The following DBP variants were observed in gnomAD, a reference collection of about 807,000 sequenced individuals.
DBP encodes D site-binding protein.
A neutral mutation model predicts 21.4 loss-of-function variants in DBP; 12 were observed. The observed-to-expected ratio is 0.56, with a 90% CI of 0.36 to 0.91. DBP has a LOEUF of 0.91. Ranked by LOEUF, DBP falls within the 40% of genes least tolerant of loss-of-function variation. The pLI is 0.01. For synonymous variants in DBP, 213 were observed against 224.9 expected (o/e 0.95, Z 0.47); for missense variants, 423 against 473.4 (o/e 0.89, Z 0.99).
Position 48,630,128 on chromosome 19 carries a change from C to A in DBP, c.*709G>T. 1 of 1,257,388 alleles carries A rather than the reference C, an allele frequency of 8.0e-7. No individual in the cohort carries two copies. Among genetic ancestry groups the A allele is most frequent in the Non-Finnish European group, 1.0e-6 (1 of 999,562 alleles). 77.9% of individuals were successfully genotyped at this position (1,257,388 alleles called of 1,614,324 possible). A position where few individuals can be genotyped will look rare whatever the true frequency, so the allele number is the denominator to read the frequency against. Reference sequence around the variant, plus strand: ...TTTTACGCGTCGCCCAATGACAGGACCTGGAATGTACTGGCTGGGGTAGGC... The same window carrying A: ...TTTTACGCGTCGCCCAATGACAGGAACTGGAATGTACTGGCTGGGGTAGGC... On this transcript the variant is annotated 3_prime_UTR_variant, in exon 4 of 4. Coordinates refer to ENST00000222122, the MANE Select transcript of DBP (RefSeq NM_001352.5). The surrounding 1 kb of genome is among the most constrained non-coding windows in gnomAD (Gnocchi z 4.9).
intron 2 of DBP, 119 bp from the exon 3 acceptor site, chr19:48,633,774 C>T (rs774970032): frequency 3.5e-6 from 3 of 859,976 alleles, no homozygotes; most frequent in East Asian, 2.5e-5. Flanking sequence ...AGCATAAATT[C>T]GGCCAGGGAT....
chr19:48,633,658 T>A lies in DBP; in HGVS notation c.551-3A>T. The A allele has an allele frequency of 6.2e-7, 1 of 1,613,412 alleles. No individual in the cohort carries two copies. The highest frequency in any genetic ancestry group is 2.2e-5 in the East Asian group (1 of 44,886). On this transcript the variant is annotated splice_polypyrimidine_tract_variant and splice_region_variant and intron_variant, in intron 2 of 3. Transcript: ENST00000222122. Reference sequence around the variant, plus strand: ...GGGTGTGTCCCGAGAGGTCAGGCCTTGGGGAAACAGCACGTGTCAGCTGAG... The same window carrying A: ...GGGTGTGTCCCGAGAGGTCAGGCCTAGGGGAAACAGCACGTGTCAGCTGAG...
intron 2 of DBP, chr19:48,635,153 C>T (rs1208892135): frequency 9.9e-7 from 1 of 1,014,768 alleles, no homozygotes; most frequent in Non-Finnish European, 1.2e-6. Flanking sequence ...CTGTGCCTCT[C>T]CTTTGCCTTT....
Position 48,635,685 on chromosome 19 carries a change from C to G in DBP, c.445G>C (p.Ala149Pro), listed in dbSNP as rs2030762163. 7.6e-7 allele frequency: 1 copy of G among 1,319,962 alleles called. No individual in the cohort carries two copies. Among genetic ancestry groups the G allele is most frequent in the African/African-American group, 1.5e-5 (1 of 64,690 alleles). 81.8% of individuals were successfully genotyped at this position (1,319,962 alleles called of 1,614,324 possible). Residue 149 changes from alanine to proline, a missense_variant, in exon 2 of 4, where the codon GCA becomes CCA. Coordinates refer to ENST00000222122, the MANE Select transcript of DBP (RefSeq NM_001352.5). ...CACGAACCCGGCCCTGGGGAGGGTG[C>G]GGGCGTCCGCGCGGGCGACGGCTCC... ...SPEPSPARTP[A>P]PSPGPGSCGS...
At chr19:48,634,780 T>C (rs1601180715) in intron 2 of DBP, 2 of 985,572 alleles carry the variant, frequency 2.0e-6, no homozygotes, top group Non-Finnish European at 2.4e-6. Context: ...TGCCCAGGAA[T>C]CCCCGACCTG....
intron 2 of DBP, chr19:48,634,545 A>G: frequency 3.3e-6 from 1 of 304,712 alleles, no homozygotes; most frequent in Non-Finnish European, 4.8e-6. Flanking sequence ...CTAAGGACAC[A>G]GGTTCAGGGC....
Position 48,635,550 on chromosome 19 carries a change from TCAGGACCCGCCCCGC to T in DBP, c.550+15_550+29del. The T allele has an allele frequency of 1.4e-6, 2 of 1,438,800 alleles. No individual in the cohort carries two copies. The highest frequency in any genetic ancestry group is 1.8e-6 in the Non-Finnish European group (2 of 1,099,222). The allele number at this position is 1,438,800 out of a possible 1,614,324, so 89.1% of individuals were successfully genotyped here. A position where few individuals can be genotyped will look rare whatever the true frequency, so the allele number is the denominator to read the frequency against. Reference sequence around the variant, plus strand: ...CCCCCTGAGTCCAAGCCCCGCCCCGTCAGGACCCGCCCCGCCCCCTTCGCCGCACCTGCGCGGTGG... The same window carrying T: ...CCCCCTGAGTCCAAGCCCCGCCCCGTCCCCTTCGCCGCACCTGCGCGGTGG... On this transcript the variant is annotated intron_variant, in intron 2 of 3. Coordinates refer to ENST00000222122, the MANE Select transcript of DBP (RefSeq NM_001352.5).
intron 3 of DBP, chr19:48,632,762 G>C (rs2030645402): frequency 1.3e-5 from 2 of 153,070 alleles, no homozygotes; most frequent in African/African-American, 4.8e-5. Flanking sequence ...GGCCTAAAGG[G>C]GCTGGCACAG....
In DBP at chr19:48,637,084, G is replaced by T; in HGVS notation, c.-90C>A. 8.0e-7 allele frequency: 1 copy of T among 1,256,748 alleles called. No individual in the cohort carries two copies. The highest frequency in any genetic ancestry group is 1.1e-6 in the Non-Finnish European group (1 of 945,936). The allele number at this position is 1,256,748 out of a possible 1,614,324, so 77.8% of individuals were successfully genotyped here. The stretch of plus-strand genomic sequence containing the variant: ...CAGCACACTCCAGTGGTTTGGACGA[G>T]TGTCTGCCCAGGGGCGGGCGAGTGT... On this transcript the variant is annotated 5_prime_UTR_variant, in exon 1 of 4. Coordinates refer to ENST00000222122, the MANE Select transcript of DBP (RefSeq NM_001352.5).
intron 3 of DBP, chr19:48,631,294 C>G (rs1352068165): frequency 1.8e-6 from 1 of 546,222 alleles, no homozygotes; most frequent in Non-Finnish European, 3.3e-6. Flanking sequence ...GCAAAGCGGA[C>G]CCCAGCCCTC....
chr19:48,634,563 C>A (rs868178284), intron 2 of DBP: 52 of 426,174 alleles, frequency 1.2e-4, no homozygotes, highest in African/African-American at 1.1e-3. Context: ...GGCCGAGTCA[C>A]GTGCTGACGC....
At position 48,630,742 on chromosome 19, in the gene DBP, C is replaced by G. The variant is rs1203118054; in HGVS notation, c.*95G>C. 6.9e-7 allele frequency: 1 copy of G among 1,445,824 alleles called. No individual in the cohort carries two copies. Among genetic ancestry groups the G allele is most frequent in the African/African-American group, 1.4e-5 (1 of 70,396 alleles). 89.6% of individuals were successfully genotyped at this position (1,445,824 alleles called of 1,614,324 possible). A position where few individuals can be genotyped will look rare whatever the true frequency, so the allele number is the denominator to read the frequency against. ...ATTATCACGTCCCTGGGGCACCCAG[C>G]TGGCCGGCCCGTGGGCCACAGGGCA... On this transcript the variant is annotated 3_prime_UTR_variant, in exon 4 of 4. Transcript: ENST00000222122. The surrounding 1 kb of genome is among the most constrained non-coding windows in gnomAD (Gnocchi z 4.9).
In DBP at chr19:48,630,645, A is replaced by C. The variant is rs2030533697; in HGVS notation, c.*192T>G. ...CCTGACGTGCCGGGGACACACACAG[A>C]GAACCCTCCCCGCCCCCGCAAGGGA... On this transcript the variant is annotated 3_prime_UTR_variant, in exon 4 of 4. Transcript: ENST00000222122. The surrounding 1 kb of genome is among the most constrained non-coding windows in gnomAD (Gnocchi z 4.9). The C allele has an allele frequency of 6.7e-7, 1 of 1,482,272 alleles. No individual in the cohort carries two copies. 91.8% of individuals were successfully genotyped at this position (1,482,272 alleles called of 1,614,324 possible).
Position 48,635,612 on chromosome 19 carries a change from G to A in DBP, c.518C>T (p.Ala173Val), listed in dbSNP as rs1374174192. The change falls in exon 2 of 4, where the codon GCT (alanine) becomes GTT (valine). Residue 173 changes from alanine to valine, a missense_variant. Around this residue, in one of 4 missense-constraint regions of DBP, gnomAD observed 283 missense variants for 273.7 expected, o/e 1.03. Coordinates refer to ENST00000222122, the MANE Select transcript of DBP (RefSeq NM_001352.5). Reference protein sequence around the residue: ...RSSPGHAPARAALGTASGHRA... With the variant: ...RSSPGHAPARVALGTASGHRA... Reference sequence around the variant, plus strand: ...GTGGCCGCTGGCGGTCCCGAGGGCAGCCCGGGCGGGGGCGTGCCCAGGAGA... The same window carrying A: ...GTGGCCGCTGGCGGTCCCGAGGGCAACCCGGGCGGGGGCGTGCCCAGGAGA... The A allele has an allele frequency of 1.5e-6, 2 of 1,349,486 alleles. No homozygotes were observed. The highest frequency in any genetic ancestry group is 3.2e-5 in the East Asian group (1 of 31,674). 83.6% of individuals were successfully genotyped at this position (1,349,486 alleles called of 1,614,324 possible).
At chr19:48,634,589 T>TCCCTTCCTCCC in intron 2 of DBP, 13 of 646,532 alleles carry the variant, frequency 2.0e-5, no homozygotes, top group Non-Finnish European at 2.3e-5. Flanking sequence ...TCCCTCCTCC[T>TCCCTTCCTCCC]CCCTTCCTCC....
chr19:48,633,299 G>T, intron 3 of DBP, 145 bp downstream of exon 3: 2 of 861,270 alleles, frequency 2.3e-6, no homozygotes, highest in Non-Finnish European at 1.9e-6. Flanking sequence ...CCGTGGCCAA[G>T]GAGGACTAAT....
At chr19:48,633,716 A>C (rs2030681921) in intron 2 of DBP, 61 bp from the exon 3 acceptor site, 1 of 1,461,990 alleles carries the variant, frequency 6.8e-7, no homozygotes, top group Admixed American at 1.7e-5. Context: ...TCCTGAAGCT[A>C]CTTTTTGCTG....
chr19:48,630,239 GCA>G lies in DBP; in HGVS notation c.*596_*597del. 1 of 1,277,944 alleles carries G rather than the reference GCA, an allele frequency of 7.8e-7. No individual in the cohort carries two copies. Among genetic ancestry groups the G allele is most frequent in the Non-Finnish European group, 9.9e-7 (1 of 1,012,652 alleles). 79.2% of individuals were successfully genotyped at this position (1,277,944 alleles called of 1,614,324 possible). ...TAGCTGGCCAATCAGCCCAGGAGGG[GCA>G]GGTTCCCCGGGGCCGGCGCTAGGAT... On this transcript the variant is annotated 3_prime_UTR_variant, in exon 4 of 4. Transcript: ENST00000222122. This position sits in a 1 kb window ranked among gnomAD's most constrained non-coding sequence, Gnocchi z 4.9.
intron 3 of DBP, chr19:48,633,029 T>G: frequency 3.0e-6 from 1 of 333,002 alleles, no homozygotes; most frequent in Non-Finnish European, 5.6e-6. Context: ...GGTCTCCCTC[T>G]GTTGCCCAGG....
Sources: gnomAD v4.1 joint callset for allele counts on GRCh38, gnomAD v4.1.1 for gene constraint, gnomAD v4.1.1 regional missense constraint, Gnocchi (gnomAD v3.1) non-coding constraint, MANE v1.5 for transcripts, NCBI Gene and HGNC (gene_info 2026-07-23, HGNC 2026-07-21) for gene names.